The following ECPAS variants were observed in gnomAD, a reference collection of about 807,000 sequenced individuals.
ECPAS encodes Ecm29 proteasome adaptor and scaffold.
A neutral mutation model predicts 255.1 loss-of-function variants in ECPAS; 70 were observed. The observed-to-expected ratio is 0.27, with a 90% CI of 0.23 to 0.33. ECPAS has a LOEUF of 0.33. ECPAS is among the 10% of genes least tolerant of loss of function. The pLI is 1.00. For synonymous variants in ECPAS, 784 were observed against 775.0 expected (o/e 1.01, Z -0.19); for missense variants, 1,817 against 2,206.4 (o/e 0.82, Z 3.54).
intron 46 of ECPAS, 42 bp from the exon 47 acceptor site, chr9:111,366,669 T>G (rs1352731065): frequency 7.7e-7 from 1 of 1,301,956 alleles, no homozygotes; most frequent in Non-Finnish European, 1.1e-6. Flanking sequence ...GGAGACAGTA[T>G]AAAAGAACAA....
rs376330963 is a variant in ECPAS at position 111,472,880 on chromosome 9, G to A, written c.22+17C>T. ...ACAAAAAAAATGCACACATCCTAAGGAACTAAATCTACTAACCTCTACAAT... is the reference window on the plus strand; with the variant it reads ...ACAAAAAAAATGCACACATCCTAAGAAACTAAATCTACTAACCTCTACAAT... On this transcript the variant is annotated intron_variant, in intron 2 of 49. Coordinates refer to ENST00000684092, the MANE Select transcript of ECPAS (RefSeq NM_001364929.1). 16 of 1,026,036 alleles carry A rather than the reference G, an allele frequency of 1.6e-5. No individual in the cohort carries two copies. In the South Asian group the frequency reaches 2.4e-4, roughly 15 times the overall value. 63.6% of individuals were successfully genotyped at this position (1,026,036 alleles called of 1,614,324 possible).
intron 2 of ECPAS, among the ~76,000 whole-genome samples, chr9:111,472,065 G>A (rs1222277496): frequency 1.3e-5 from 2 of 151,990 alleles, no homozygotes; most frequent in African/African-American, 4.8e-5. Flanking sequence ...TCGTGCCACT[G>A]CACTCTAGCC....
chr9:111,472,412 G>A (rs1425171198), intron 2 of ECPAS, among the ~76,000 whole-genome samples: 1 of 152,042 alleles, frequency 6.6e-6, no homozygotes, highest in Non-Finnish European at 1.5e-5. Context: ...GGAGGCTGAG[G>A]TAGGTGGATC....
In ECPAS at chr9:111,430,535, A is replaced by T. The variant is rs1214990213; in HGVS notation, c.930+12T>A. ...TTTTACGCTGATGTGAGAATAAATC[A>T]AAACAACCTACCTCTTTTGTCTTCA... is the stretch of plus-strand genomic sequence containing the variant. On this transcript the variant is annotated intron_variant, in intron 9 of 49. Coordinates refer to ENST00000684092, the MANE Select transcript of ECPAS (RefSeq NM_001364929.1). 1 of 1,540,368 alleles carries T rather than the reference A, an allele frequency of 6.5e-7. No homozygotes were observed. Among genetic ancestry groups the T allele is most frequent in the South Asian group, 1.2e-5 (1 of 86,430 alleles).
chr9:111,376,669 A>G, intron 36 of ECPAS, 128 bp from the exon 37 acceptor site: 1 of 698,320 alleles, frequency 1.4e-6, no homozygotes, highest in Non-Finnish European at 2.5e-6. Flanking sequence ...AGCTATAACA[A>G]AGGCAAACAT....
intron 3 of ECPAS, among the ~76,000 whole-genome samples, chr9:111,446,459 C>T (rs1340853330): frequency 1.3e-5 from 2 of 152,146 alleles, no homozygotes; most frequent in Admixed American, 1.3e-4. Flanking sequence ...CGTGCTCTAG[C>T]CTCAAAGCAT....
At chr9:111,381,931 A>C (rs539548261) in intron 35 of ECPAS, among the ~76,000 whole-genome samples, 3 of 151,896 alleles carry the variant, frequency 2.0e-5, no homozygotes, top group South Asian at 4.2e-4. Context: ...ATTGTATTCC[A>C]GTCATGTCAT....
At chr9:111,444,798 C>T (rs537819099) in intron 3 of ECPAS, among the ~76,000 whole-genome samples, 1 of 152,254 alleles carries the variant, frequency 6.6e-6, no homozygotes, top group South Asian at 2.1e-4. Flanking sequence ...GCAACCTCCG[C>T]CTCCCCGATT....
intron 35 of ECPAS, among the ~76,000 whole-genome samples, chr9:111,382,039 AC>A (rs2098141222): frequency 6.6e-6 from 1 of 151,492 alleles, no homozygotes; most frequent in African/African-American, 2.4e-5. Flanking sequence ...ACACACACAC[AC>A]AAAGAATCCT....
rs756722813 is a variant in ECPAS, at chr9:111,425,431, T to C, written c.1202A>G (p.Asn401Ser). The part of the protein sequence containing the change: ...MLLNGLTKLI[N>S]EYKEDPKLLS... ...CAAGTCACTTACCTCTTTGTATTCA[T>C]TGATTAGCTTGGTGAGGCCATTCAA... Residue 401 changes from asparagine to serine, a missense_variant, in exon 12 of 50, where the codon AAT (asparagine) becomes AGT (serine). Asn to Ser is a conservative substitution (Grantham distance 46). This residue lies in a region of ECPAS where 573 missense variants were observed against 716.2 expected (regional missense o/e 0.80). Coordinates refer to ENST00000684092, the MANE Select transcript of ECPAS (RefSeq NM_001364929.1). 46 of 1,590,980 alleles carry C rather than the reference T, an allele frequency of 2.9e-5. 1 individual carries two copies. In the Admixed American group the frequency reaches 4.0e-4, roughly 14 times the overall value.
At chr9:111,448,250 A>G (rs1366463089) in intron 3 of ECPAS, among the ~76,000 whole-genome samples, 1 of 152,108 alleles carries the variant, frequency 6.6e-6, no homozygotes, top group African/African-American at 2.4e-5. Flanking sequence ...AATCTCAAAA[A>G]TATGTGACAT....
intron 31 of ECPAS, among the ~76,000 whole-genome samples, chr9:111,388,791 G>C (rs1386721622): frequency 6.6e-6 from 1 of 152,106 alleles, no homozygotes; most frequent in Admixed American, 6.5e-5. Flanking sequence ...TGGGGGTGGT[G>C]GTGAGACACA....
At chr9:111,411,167 T>A (rs192241396) in intron 21 of ECPAS, 25 bp from the exon 22 acceptor site, 2 of 1,611,110 alleles carry the variant, frequency 1.2e-6, no homozygotes, top group African/African-American at 2.7e-5. Context: ...AACAATAGCA[T>A]ATCTCTGGCT....
chr9:111,428,124 A>C lies in ECPAS; in HGVS notation c.968T>G (p.Val323Gly), dbSNP rs201478326. 1 of 1,612,542 alleles carries C rather than the reference A, an allele frequency of 6.2e-7. No individual in the cohort carries two copies. The highest frequency in any genetic ancestry group is 1.3e-5 in the African/African-American group (1 of 74,990). Residue 323 changes from valine (V) to glycine (G), a missense_variant, in exon 10 of 50, where the codon GTC (valine) becomes GGC (glycine). By Grantham distance (109) the Val-to-Gly change is moderately radical. Around this residue, in one of 4 missense-constraint regions of ECPAS, gnomAD observed 573 missense variants for 716.2 expected, o/e 0.80. Transcript: ENST00000684092. The stretch of plus-strand genomic sequence containing the variant: ...AATCTTTAACTTGACTCTTGTACTG[A>C]CAGGGTCCCTTTTCAACTCTGGCTT... ...VLKPELKRDP[V>G]STRVKLKIVP...
chr9:111,399,119 T>C (rs2098171769), intron 24 of ECPAS, among the ~76,000 whole-genome samples: 1 of 152,140 alleles, frequency 6.6e-6, no homozygotes, highest in Non-Finnish European at 1.5e-5. Context: ...TATTAAGCAT[T>C]GCATGTCTGT....
intron 35 of ECPAS, among the ~76,000 whole-genome samples, chr9:111,378,958 T>C (rs79976806): frequency 0.2 from 30,816 of 152,190 alleles, 3,235 homozygotes; most frequent in East Asian, 0.34. Flanking sequence ...CCTTCATTAA[T>C]AGTAGGAATG....
At position 111,393,691 on chromosome 9, in the gene ECPAS, G is replaced by A. The variant is rs1184347465; in HGVS notation, c.2966C>T (p.Ser989Leu). The A allele has an allele frequency of 6.3e-7, 1 of 1,578,062 alleles. No homozygotes were observed. The highest frequency in any genetic ancestry group is 8.7e-7 in the Non-Finnish European group (1 of 1,149,422). ...EIQSAFVSVL[S>L]ENDELSQDVA... Reference sequence around the variant, plus strand: ...TATTAACAACCTACCATCATTTTCTGATAGAACTGAAACAAATGCACTTTG... The same window carrying A: ...TATTAACAACCTACCATCATTTTCTAATAGAACTGAAACAAATGCACTTTG... The change falls in exon 27 of 50, where the codon TCA becomes TTA. Residue 989 changes from serine (S) to leucine (L), a missense_variant. Physicochemically the swap from Ser to Leu is moderately radical, Grantham distance 145. Coordinates refer to ENST00000684092, the MANE Select transcript of ECPAS (RefSeq NM_001364929.1).
chr9:111,366,451 A>G, intron 47 of ECPAS, 71 bp downstream of exon 47: 6 of 1,330,862 alleles, frequency 4.5e-6, no homozygotes, highest in Non-Finnish European at 6.4e-6. Context: ...AATGTATAAA[A>G]ATTCCATTGA....
At chr9:111,412,861 C>T (rs555293973) in intron 20 of ECPAS, among the ~76,000 whole-genome samples, 1 of 152,050 alleles carries the variant, frequency 6.6e-6, no homozygotes, top group Non-Finnish European at 1.5e-5. Context: ...ATAATTTTTA[C>T]ATTTTTACCA....
Sources: gnomAD v4.1 joint callset for allele counts (sites outside exome capture counted in the v4.1 genomes callset) on GRCh38, gnomAD v4.1.1 for gene constraint, gnomAD v4.1.1 regional missense constraint, MANE v1.5 for transcripts, NCBI Gene and HGNC (gene_info 2026-07-23, HGNC 2026-07-21) for gene names.